The following SPIRE1 variants were observed in gnomAD, a reference collection of about 807,000 sequenced individuals.
SPIRE1 encodes the protein spire type actin nucleation factor 1.
Under a neutral mutation model 94.1 loss-of-function variants are expected in SPIRE1, and 40 were observed. That is an observed-to-expected ratio of 0.43 (90% CI 0.33 to 0.55). The LOEUF (loss-of-function observed/expected upper bound fraction) is 0.55, where lower values mean the gene tolerates loss of function less well. Ranked by LOEUF, SPIRE1 falls within the 20% of genes least tolerant of loss-of-function variation. The pLI, the probability that SPIRE1 is intolerant of heterozygous loss-of-function variation, is 0.06. For synonymous variants in SPIRE1, 376 were observed against 371.7 expected (o/e 1.01, Z -0.13); for missense variants, 838 against 975.2 (o/e 0.86, Z 1.87).
At chr18:12,486,076 A>G (rs1052027228) in intron 8 of SPIRE1, 76 bp from the exon 9 acceptor site, 204 of 1,159,120 alleles carry the variant, frequency 1.8e-4, no homozygotes, top group Non-Finnish European at 3.3e-5. Flanking sequence ...AAAAAAGGGA[A>G]CGGATTAATG....
chr18:12,536,119 A>G (rs899100708), intron 3 of SPIRE1, among the ~76,000 whole-genome samples: 1 of 152,212 alleles, frequency 6.6e-6, no homozygotes, highest in African/African-American at 2.4e-5. Context: ...CAGAGACCCA[A>G]CAGCACAGAT....
At chr18:12,507,715 A>C (rs1161689641) in intron 5 of SPIRE1, among the ~76,000 whole-genome samples, 3 of 152,022 alleles carry the variant, frequency 2.0e-5, no homozygotes, top group South Asian at 2.1e-4. Context: ...TAAAAAAAAA[A>C]CATAAAATAA....
At chr18:12,568,362 T>G (rs1403940745) in intron 2 of SPIRE1, among the ~76,000 whole-genome samples, 1 of 152,162 alleles carries the variant, frequency 6.6e-6, no homozygotes, top group African/African-American at 2.4e-5. Flanking sequence ...ACTCTTTCCT[T>G]TATATGCTCT....
intron 2 of SPIRE1, among the ~76,000 whole-genome samples, chr18:12,547,856 C>T (rs1010216421): frequency 3.9e-5 from 6 of 152,186 alleles, no homozygotes; most frequent in African/African-American, 9.7e-5. Context: ...GCAGGAGAAT[C>T]GCTTGAACTG....
chr18:12,651,694 AC>A (rs1377273701), intron 1 of SPIRE1, among the ~76,000 whole-genome samples: 2 of 152,146 alleles, frequency 1.3e-5, no homozygotes, highest in African/African-American at 4.8e-5. Flanking sequence ...AACAAAAAAA[AC>A]ATATTTTTTC....
At chr18:12,607,495 G>A (rs996553673) in intron 2 of SPIRE1, among the ~76,000 whole-genome samples, 1 of 152,034 alleles carries the variant, frequency 6.6e-6, no homozygotes, top group Non-Finnish European at 1.5e-5. Context: ...CTGGGTGTGG[G>A]TTTTGACAAC....
intron 2 of SPIRE1, among the ~76,000 whole-genome samples, chr18:12,598,763 A>G (rs2036750324): frequency 6.6e-6 from 1 of 152,200 alleles, no homozygotes. Flanking sequence ...TGAGGGCTAG[A>G]AGGCGGAAAG....
At position 12,657,731 on chromosome 18, in the gene SPIRE1, G is replaced by A. The variant is rs939088793; in HGVS notation, c.136C>T (p.Leu46=). 5 of 1,403,128 alleles carry A rather than the reference G, an allele frequency of 3.6e-6. No homozygotes were observed. The highest frequency in any genetic ancestry group is 1.5e-5 in the African/African-American group (1 of 66,908). The allele number at this position is 1,403,128 out of a possible 1,614,324, so 86.9% of individuals were successfully genotyped here. ...TTGATGGGCTGGTTGTACAGCCGCA[G>A]GATCTCCTCCAGGCTCAGCGCGTCC... ...SRDALSLEEI[L]RLYNQPINEE... The change falls in exon 1 of 17, where the codon CTG becomes TTG. Residue 46 remains leucine (L), a synonymous_variant. Coordinates refer to ENST00000409402, the MANE Select transcript of SPIRE1 (RefSeq NM_001128626.2).
At chr18:12,494,600 T>A (rs376529527) in intron 7 of SPIRE1, among the ~76,000 whole-genome samples, 1 of 150,082 alleles carries the variant, frequency 6.7e-6, no homozygotes, top group Non-Finnish European at 1.5e-5. Flanking sequence ...GAGGCCGAGG[T>A]GGGCGGATCA....
intron 12 of SPIRE1, chr18:12,459,911 A>G (rs1052140975): frequency 1.0e-6 from 1 of 985,872 alleles, no homozygotes; most frequent in South Asian, 4.7e-5. Flanking sequence ...TTGGCCATAC[A>G]CTGGTTATCC....
rs1029321536 is a variant in SPIRE1, at chr18:12,546,959, T to G, written c.373-55A>C. The G allele has an allele frequency of 2.5e-6, 3 of 1,211,754 alleles. No homozygotes were observed. The African/African-American group carries it at 4.6e-5, about 18-fold the overall frequency. The allele number at this position is 1,211,754 out of a possible 1,614,324, so 75.1% of individuals were successfully genotyped here. On this transcript the variant is annotated intron_variant, in intron 2 of 16. Transcript: ENST00000409402. ...AGATGAATGAAGAGCTTTCTAGGACTAATTGTGAGGCATAAGATGTTTAGT... is the reference window on the plus strand; with the variant it reads ...AGATGAATGAAGAGCTTTCTAGGACGAATTGTGAGGCATAAGATGTTTAGT...
rs35129611 is a variant in SPIRE1, at chr18:12,479,176, C to CT, written c.1404+522dup. 7.6e-3 allele frequency among the ~76,000 whole-genome samples: 927 copies of CT among 122,722 alleles called. 9 individuals are homozygous for CT. The highest frequency in any genetic ancestry group is 0.018 in the East Asian group (77 of 4,386). 80.5% of individuals were successfully genotyped at this position (122,722 alleles called of 152,430 possible). On this transcript the variant is annotated intron_variant, in intron 10 of 16. Transcript: ENST00000409402. ...ATATATGTATTTTTTTTTTCTTTTT[C>CT]TTTTTTTTTTTTTTTTGAGACAGAG... is the stretch of plus-strand genomic sequence containing the variant.
intron 4 of SPIRE1, among the ~76,000 whole-genome samples, chr18:12,534,650 T>C (rs1044136178): frequency 6.6e-6 from 1 of 152,146 alleles, no homozygotes; most frequent in Non-Finnish European, 1.5e-5. Context: ...CCCTTGGTCT[T>C]TGGACTTGGA....
intron 2 of SPIRE1, among the ~76,000 whole-genome samples, chr18:12,570,062 C>G (rs1187227871): frequency 6.6e-6 from 1 of 152,208 alleles, no homozygotes; most frequent in Non-Finnish European, 1.5e-5. Flanking sequence ...AACACCAATG[C>G]TTCATGCAGA....
At chr18:12,538,198 T>A (rs1044987671) in intron 3 of SPIRE1, among the ~76,000 whole-genome samples, 3 of 152,130 alleles carry the variant, frequency 2.0e-5, no homozygotes, top group African/African-American at 7.2e-5. Context: ...TAATTCCCTT[T>A]ATATTAAAGG....
At chr18:12,595,954 G>A (rs916761576) in intron 2 of SPIRE1, among the ~76,000 whole-genome samples, 1 of 152,220 alleles carries the variant, frequency 6.6e-6, no homozygotes, top group Non-Finnish European at 1.5e-5. Flanking sequence ...GATTGGAAGA[G>A]ACACTACACT....
At chr18:12,645,116 AT>A (rs373103961) in intron 1 of SPIRE1, among the ~76,000 whole-genome samples, 1 of 151,782 alleles carries the variant, frequency 6.6e-6, no homozygotes, top group Non-Finnish European at 1.5e-5. Context: ...AAAAAAAAAA[AT>A]AAGACAGTAT....
At chr18:12,591,635 T>C (rs1317946200) in intron 2 of SPIRE1, among the ~76,000 whole-genome samples, 6 of 152,280 alleles carry the variant, frequency 3.9e-5, no homozygotes, top group African/African-American at 1.4e-4. Context: ...CTGTTAGGTA[T>C]TAAGAATCAA....
Position 12,452,537 on chromosome 18 carries a change from T to G in SPIRE1, c.1848-25A>C, listed in dbSNP as rs1266665213. ...CCTGTAAACAAAATCATAAATGTTA[T>G]TTGGCATGATACCAGGGGACGCAAC... On this transcript the variant is annotated intron_variant, in intron 14 of 16. Coordinates refer to ENST00000409402, the MANE Select transcript of SPIRE1 (RefSeq NM_001128626.2). 3 of 1,613,510 alleles carry G rather than the reference T, an allele frequency of 1.9e-6. No homozygotes were observed. The African/African-American group carries it at 4.0e-5, about 22-fold the overall frequency.
Sources: allele counts gnomAD v4.1 joint callset (sites outside exome capture counted in the v4.1 genomes callset), GRCh38; gene constraint gnomAD v4.1.1; transcripts MANE v1.5; gene names NCBI Gene and HGNC (gene_info 2026-07-23, HGNC 2026-07-21).